STX8: variants seen among roughly 807,000 people sequenced by gnomAD.
STX8 encodes the protein syntaxin 8, also known as syntaxin-8.
In STX8, 23 loss-of-function variants were observed where a neutral mutation model predicts 37.5. That is an observed-to-expected ratio of 0.61 (90% confidence interval 0.44 to 0.87). The LOEUF is 0.87. STX8 is among the 40% of genes least tolerant of loss of function. The probability of loss-of-function intolerance (pLI) is 0.00; values close to 1 mark genes in which losing one functional copy is unlikely to be tolerated. For synonymous variants in STX8, 115 were observed against 99.1 expected, an observed-to-expected ratio of 1.16 and a Z score of -0.95; for missense variants, 313 against 284.7, an observed-to-expected ratio of 1.10 and a Z score of -0.71.
At chr17:9,382,169 ACT>A (rs1267100026) in intron 6 of STX8, among the ~76,000 whole-genome samples, 9 of 134,864 alleles carry the variant, frequency 6.7e-5, no homozygotes, top group African/African-American at 3.1e-4. Flanking sequence ...CCAAGAAAAC[ACT>A]CACACACACA....
At chr17:9,502,390 C>T (rs1210265215) in intron 5 of STX8, among the ~76,000 whole-genome samples, 2 of 152,120 alleles carry the variant, frequency 1.3e-5, no homozygotes, top group Non-Finnish European at 2.9e-5. Flanking sequence ...GACTGTACAA[C>T]AGGGTAACTA....
At chr17:9,269,579 T>C (rs1244553873) in intron 7 of STX8, among the ~76,000 whole-genome samples, 1 of 152,238 alleles carries the variant, frequency 6.6e-6, no homozygotes, top group African/African-American at 2.4e-5. Flanking sequence ...TTATCCACTC[T>C]TCTGGAAAAA....
At chr17:9,407,657 G>A (rs1275478047) in intron 6 of STX8, among the ~76,000 whole-genome samples, 2 of 150,948 alleles carry the variant, frequency 1.3e-5, no homozygotes, top group Non-Finnish European at 1.5e-5. Flanking sequence ...CAGAAAGGCG[G>A]GACAACTCAA....
At chr17:9,491,181 C>G (rs568192291) in intron 6 of STX8, among the ~76,000 whole-genome samples, 70 of 152,276 alleles carry the variant, frequency 4.6e-4, no homozygotes, top group Non-Finnish European at 8.1e-4. Context: ...CCATCTCACC[C>G]AAAAACCAGT....
intron 6 of STX8, among the ~76,000 whole-genome samples, chr17:9,406,912 A>C (rs1912821219): frequency 6.6e-6 from 1 of 152,148 alleles, no homozygotes. Context: ...AATCATAAGC[A>C]CTGGTTCTGA....
rs573444900 is a variant in STX8, at chr17:9,412,855, ACTG to A, written c.542-34205_542-34203del. Among the ~76,000 whole-genome samples, 252 of 152,314 alleles carry A rather than the reference ACTG, an allele frequency of 1.7e-3. 1 individual carries two copies. Among genetic ancestry groups the A allele is most frequent in the African/African-American group, 5.7e-3 (239 of 41,570 alleles). ...AGAAGATGATAAAAATAGGTTGAGA[ACTG>A]CTGAACTATAGATTGAGGGGTGTAG... On this transcript the variant is annotated intron_variant, in intron 6 of 7. Transcript: ENST00000306357.
intron 2 of STX8, among the ~76,000 whole-genome samples, chr17:9,558,340 C>G (rs1368397474): frequency 6.6e-6 from 1 of 152,116 alleles, no homozygotes; most frequent in African/African-American, 2.4e-5. Flanking sequence ...GGACTCCCTC[C>G]TTGGATTTGC....
intron 1 of STX8, among the ~76,000 whole-genome samples, chr17:9,573,315 C>T (rs1189130347): frequency 3.9e-5 from 6 of 152,196 alleles, no homozygotes; most frequent in Middle Eastern, 6.8e-3. Context: ...AGCCTGCTAC[C>T]CAGAGGCTTC....
At chr17:9,369,461 TG>T (rs940227772) in intron 7 of STX8, among the ~76,000 whole-genome samples, 15 of 152,170 alleles carry the variant, frequency 9.9e-5, no homozygotes, top group African/African-American at 3.6e-4. Context: ...CCAGATTAAT[TG>T]CTTATTCTTG....
At chr17:9,422,318 G>A (rs1913465916) in intron 6 of STX8, among the ~76,000 whole-genome samples, 1 of 152,076 alleles carries the variant, frequency 6.6e-6, no homozygotes. Context: ...TTTTGGCCAG[G>A]CTGGTCTTGA....
intron 6 of STX8, among the ~76,000 whole-genome samples, chr17:9,425,252 G>A (rs1219498459): frequency 6.6e-6 from 1 of 152,108 alleles, no homozygotes; most frequent in Non-Finnish European, 1.5e-5. Context: ...CTTCTAGGTA[G>A]TCATCGTTCA....
At chr17:9,557,388 T>G (rs142997901) in intron 3 of STX8, 46 bp downstream of exon 3, 1 of 1,532,024 alleles carries the variant, frequency 6.5e-7, no homozygotes, top group Admixed American at 1.7e-5. Context: ...ATACGACTGC[T>G]TTTCCTCCCA....
intron 6 of STX8, among the ~76,000 whole-genome samples, chr17:9,417,607 G>GTGAC (rs1913246534): frequency 6.6e-6 from 1 of 152,078 alleles, no homozygotes; most frequent in Non-Finnish European, 1.5e-5. Context: ...TGCTAATGAG[G>GTGAC]TGACCCTCAG....
chr17:9,254,993 G>A (rs1188846556), intron 7 of STX8, among the ~76,000 whole-genome samples: 2 of 152,164 alleles, frequency 1.3e-5, no homozygotes, highest in Admixed American at 6.5e-5. Flanking sequence ...CAATGAGTAA[G>A]AAAATTCAAA....
At chr17:9,286,515 C>A (rs1908077096) in intron 7 of STX8, among the ~76,000 whole-genome samples, 2 of 152,138 alleles carry the variant, frequency 1.3e-5, no homozygotes, top group Non-Finnish European at 2.9e-5. Context: ...GGTAGGGAGG[C>A]TCTGCAGCGA....
intron 4 of STX8, among the ~76,000 whole-genome samples, chr17:9,515,721 G>A (rs191139934): frequency 6.6e-6 from 1 of 151,964 alleles, no homozygotes; most frequent in Non-Finnish European, 1.5e-5. Flanking sequence ...ATGGGGTCTC[G>A]CTATGTTGCC....
chr17:9,405,686 G>C lies in STX8; in HGVS notation c.542-27033C>G, dbSNP rs1307792834. ...TCATGTTTGGCTTTTCCCCCCACCAGAATTGGTCACTCACTTGCAATGAAA... is the reference window on the plus strand; with the variant it reads ...TCATGTTTGGCTTTTCCCCCCACCACAATTGGTCACTCACTTGCAATGAAA... On this transcript the variant is annotated intron_variant, in intron 6 of 7. Transcript: ENST00000306357. 5.9e-5 allele frequency among the ~76,000 whole-genome samples: 9 copies of C among 152,200 alleles called. No homozygotes were observed. The East Asian group carries it at 9.7e-4, about 16-fold the overall frequency.
In STX8 at chr17:9,395,560, G is replaced by A. The variant is rs564905390; in HGVS notation, c.542-16907C>T. On this transcript the variant is annotated intron_variant, in intron 6 of 7. Coordinates refer to ENST00000306357, the MANE Select transcript of STX8 (RefSeq NM_004853.3). ...ACCACTGCACTCCAGCCTGGGAGAC[G>A]GAGCAAGACTGTCTCAAACAAAACA... 7.9e-5 allele frequency among the ~76,000 whole-genome samples: 12 copies of A among 152,186 alleles called. No individual in the cohort carries two copies. The South Asian group carries it at 8.3e-4, about 11-fold the overall frequency.
intron 4 of STX8, among the ~76,000 whole-genome samples, chr17:9,518,868 CAAA>C (rs58589067): frequency 7.0e-5 from 7 of 99,962 alleles, no homozygotes; most frequent in Non-Finnish European, 1.1e-4. Context: ...GACTCCGTCT[CAAA>C]AAAAAAAAAA....
Sources: gnomAD v4.1 joint callset for allele counts (sites outside exome capture counted in the v4.1 genomes callset) on GRCh38, gnomAD v4.1.1 for gene constraint, MANE v1.5 for transcripts, NCBI Gene and HGNC (gene_info 2026-07-23, HGNC 2026-07-21) for gene names.